The following PEAR1 variants were observed in gnomAD, a reference collection of about 807,000 sequenced individuals.
PEAR1 encodes the protein multiple EGF-like domains protein 12.
A neutral mutation model predicts 131.2 loss-of-function variants in PEAR1; 113 were observed. The ratio of observed to expected loss-of-function variants is 0.86; its 90% CI spans 0.74 to 1.01. The LOEUF is 1.01. Among genes scored for constraint, PEAR1 ranks in the 50% least tolerant of loss-of-function variants. The pLI is 0.00. For missense variants in PEAR1, 1,408 were observed against 1,391.1 expected (o/e 1.01, Z -0.19); for synonymous variants, 565 against 523.3 (o/e 1.08, Z -1.09).
chr1:156,908,652 C>T lies in PEAR1; in HGVS notation c.1116-3C>T, dbSNP rs1255397449. 2 of 1,522,160 alleles carry T rather than the reference C, an allele frequency of 1.3e-6. No individual in the cohort carries two copies. Among genetic ancestry groups the T allele is most frequent in the Admixed American group, 4.0e-5 (2 of 50,166 alleles). The allele number at this position is 1,522,160 out of a possible 1,614,324, so 94.3% of individuals were successfully genotyped here. A position where few individuals can be genotyped will look rare whatever the true frequency, so the allele number is the denominator to read the frequency against. On this transcript the variant is annotated splice_region_variant and splice_polypyrimidine_tract_variant and intron_variant, in intron 9 of 22. Transcript: ENST00000292357. The surrounding 1 kb of genome is among the most constrained non-coding windows in gnomAD (Gnocchi z 4.2). The stretch of plus-strand genomic sequence containing the variant: ...CGCGCCACGCCCCCGCCTCTGCCCC[C>T]AGCTGCCACCCGATGAACGGGGAGT...
rs540828750 is a variant in PEAR1, at chr1:156,910,377, A to G, written c.1822A>G (p.Arg608Gly). 2 of 1,593,248 alleles carry G rather than the reference A, an allele frequency of 1.3e-6. No homozygotes were observed. Among genetic ancestry groups the G allele is most frequent in the African/African-American group, 2.7e-5 (2 of 74,760 alleles). ...APGFRGPSCQRSCQPGRYGKR... is the reference protein window; with the variant it reads ...APGFRGPSCQGSCQPGRYGKR... Reference sequence around the variant, plus strand: ...CGGATTCCGGGGCCCCTCCTGCCAGAGATGTGAGGCTCCCTACTGCCCCTT... The same window carrying G: ...CGGATTCCGGGGCCCCTCCTGCCAGGGATGTGAGGCTCCCTACTGCCCCTT... The change falls in exon 14 of 23, where the codon AGA becomes GGA. Residue 608 changes from arginine (R) to glycine (G), a missense_variant. Arg to Gly is a moderately radical substitution (Grantham distance 125). Coordinates refer to ENST00000292357, the MANE Select transcript of PEAR1 (RefSeq NM_001080471.3).
intron 1 of PEAR1, among the ~76,000 whole-genome samples, chr1:156,896,758 G>A (rs1310879680): frequency 6.6e-6 from 1 of 152,224 alleles, no homozygotes; most frequent in Non-Finnish European, 1.5e-5. Flanking sequence ...GGCTCAGGCG[G>A]TGTGGGCATG....
Position 156,912,766 on chromosome 1 carries a change from A to G in PEAR1, c.2210-4A>G, listed in dbSNP as rs1488396463. 6.2e-6 allele frequency: 10 copies of G among 1,614,026 alleles called. No individual in the cohort carries two copies. The highest frequency in any genetic ancestry group is 8.5e-6 in the Non-Finnish European group (10 of 1,179,934). On this transcript the variant is annotated splice_polypyrimidine_tract_variant and splice_region_variant and intron_variant, in intron 17 of 22. Transcript: ENST00000292357. ...ATTCTGAGTGAGCACCCCATTCCAC[A>G]CAGGAATCCAGGAGCCCTTTACTGT...
In PEAR1 at chr1:156,912,489, C is replaced by T. The variant is rs1352751610; in HGVS notation, c.2081-5C>T. ...GCCGGCCTGCCTCCTTGGCTGTCTC[C>T]CCAGGCTGCCCTCTGGGGACATTTG... On this transcript the variant is annotated splice_polypyrimidine_tract_variant and splice_region_variant and intron_variant, in intron 16 of 22. Transcript: ENST00000292357. 1 of 1,611,622 alleles carries T rather than the reference C, an allele frequency of 6.2e-7. No homozygotes were observed. The highest frequency in any genetic ancestry group is 1.7e-5 in the Admixed American group (1 of 59,570).
At position 156,909,014 on chromosome 1, in the gene PEAR1, C is replaced by T. The variant is rs757050087; in HGVS notation, c.1389C>T (p.Asp463=). The T allele has an allele frequency of 9.9e-6, 16 of 1,613,902 alleles. No individual in the cohort carries two copies. Among genetic ancestry groups the T allele is most frequent in the Non-Finnish European group, 1.4e-5 (16 of 1,180,018 alleles). Residue 463 remains aspartate (D), a synonymous_variant, in exon 11 of 23, where the codon GAC becomes GAT. Transcript: ENST00000292357. The part of the protein sequence containing the change: ...CENAIACSPI[D]GECVCKEGWQ... The stretch of plus-strand genomic sequence containing the variant: ...ATGCCATCGCCTGCTCACCCATCGA[C>T]GGCGAGTGCGTCTGCAAGGAAGGTA...
rs1233120305 is a variant in PEAR1 at position 156,908,250 on chromosome 1, G to A, written c.1025G>A (p.Gly342Glu). 1 of 1,598,334 alleles carries A rather than the reference G, an allele frequency of 6.3e-7. No individual in the cohort carries two copies. The highest frequency in any genetic ancestry group is 1.1e-5 in the South Asian group (1 of 89,206). ...TGTCTGTGCGAACACGGCTTCACTG[G>A]GGACCGCTGCACGGATCGCCTCTGC... ...GACLCEHGFT[G>E]DRCTDRLCPD... is the part of the protein sequence containing the mutation. Residue 342 changes from glycine (G) to glutamate (E), a missense_variant, in exon 9 of 23, where the codon GGG (glycine) becomes GAG (glutamate). By Grantham distance (98) the Gly-to-Glu change is moderately conservative. Transcript: ENST00000292357. The surrounding 1 kb of genome is among the most constrained non-coding windows in gnomAD (Gnocchi z 4.2).
At chr1:156,897,116 C>A (rs577974563) in intron 1 of PEAR1, among the ~76,000 whole-genome samples, 1 of 152,306 alleles carries the variant, frequency 6.6e-6, no homozygotes, top group African/African-American at 2.4e-5. Flanking sequence ...ATCCACTCCA[C>A]ACAAATGTTT....
intron 2 of PEAR1, 117 bp from the exon 3 acceptor site, chr1:156,904,631 G>A (rs1650028497): frequency 5.8e-6 from 6 of 1,038,414 alleles, no homozygotes; most frequent in African/African-American, 1.6e-5. Context: ...TACGAGAGCA[G>A]CCCCAGCGTT....
At chr1:156,904,158 C>G (rs1649973989) in intron 2 of PEAR1, 131 bp downstream of exon 2, 1 of 723,754 alleles carries the variant, frequency 1.4e-6, no homozygotes, top group Non-Finnish European at 2.3e-6. Context: ...CCCCTCCCGC[C>G]TATTTCTCTG....
Position 156,913,257 on chromosome 1 carries a change from C to T in PEAR1, c.2486C>T (p.Ser829Phe). The T allele has an allele frequency of 6.2e-7, 1 of 1,609,954 alleles. No individual in the cohort carries two copies. Among genetic ancestry groups the T allele is most frequent in the East Asian group, 2.2e-5 (1 of 44,814 alleles). ...AGCTACCACACCCTGTCGCAGTGCT[C>T]CCCAAACCCCCCACCCCCTAACAAG... ...NPSYHTLSQC[S>F]PNPPPPNKVP... Residue 829 changes from serine to phenylalanine, a missense_variant, in exon 19 of 23, where the codon TCC becomes TTC. By Grantham distance (155) the Ser-to-Phe change is radical. Transcript: ENST00000292357.
At chr1:156,913,154 C>G in intron 18 of PEAR1, 40 bp from the exon 19 acceptor site, 1 of 1,597,252 alleles carries the variant, frequency 6.3e-7, no homozygotes, top group Non-Finnish European at 8.6e-7. Context: ...GGACTCCTGC[C>G]CATCGCTGAG....
chr1:156,897,975 G>A (rs759564881), intron 1 of PEAR1, among the ~76,000 whole-genome samples: 11 of 152,136 alleles, frequency 7.2e-5, no homozygotes, highest in Non-Finnish European at 1.5e-4. Context: ...AGGTAATCTC[G>A]GGGTGGCGAT....
intron 11 of PEAR1, 24 bp from the exon 12 acceptor site, chr1:156,909,723 ATACC>A (rs758679928): frequency 8.9e-6 from 14 of 1,573,792 alleles, no homozygotes; most frequent in African/African-American, 1.3e-5. Flanking sequence ...ATGGGTCCCC[ATACC>A]TACCTACCAG....
intron 4 of PEAR1, among the ~76,000 whole-genome samples, chr1:156,905,724 G>A (rs1347449068): frequency 6.6e-6 from 1 of 151,990 alleles, no homozygotes; most frequent in Non-Finnish European, 1.5e-5. Context: ...TCTGTCTTTG[G>A]GCTGTCTCTG....
In PEAR1 at chr1:156,908,431, G is replaced by T; in HGVS notation, c.1115+91G>T. The T allele has an allele frequency of 7.2e-7, 1 of 1,387,704 alleles. No individual in the cohort carries two copies. The allele number at this position is 1,387,704 out of a possible 1,614,324, so 86.0% of individuals were successfully genotyped here. On this transcript the variant is annotated intron_variant, in intron 9 of 22. Transcript: ENST00000292357. The surrounding 1 kb of genome is among the most constrained non-coding windows in gnomAD (Gnocchi z 4.2). ...ACCACAGAGCCAGGGCCATATCCAA[G>T]GGGGACAGGTGTCACAGAAGGGGAA...
chr1:156,898,901 A>C (rs1014916026), intron 1 of PEAR1, among the ~76,000 whole-genome samples: 1 of 152,206 alleles, frequency 6.6e-6, no homozygotes, highest in East Asian at 1.9e-4. Flanking sequence ...GAGACCAAGA[A>C]GCTGATGAAG....
chr1:156,907,063 G>A (rs562679024), intron 6 of PEAR1, among the ~76,000 whole-genome samples, 183 bp downstream of exon 6: 6 of 152,338 alleles, frequency 3.9e-5, no homozygotes, highest in Admixed American at 6.5e-5. Context: ...TCATTGACTC[G>A]TTGTGGGCTT....
intron 18 of PEAR1, 30 bp from the exon 19 acceptor site, chr1:156,913,164 G>A: frequency 1.9e-6 from 3 of 1,606,008 alleles, no homozygotes; most frequent in Non-Finnish European, 2.6e-6. Context: ...CCATCGCTGA[G>A]CTCACCCTGT....
intron 2 of PEAR1, 94 bp from the exon 3 acceptor site, chr1:156,904,653 TC>T: frequency 8.0e-7 from 1 of 1,257,706 alleles, no homozygotes; most frequent in South Asian, 1.4e-5. Flanking sequence ...GGCTGTGGAT[TC>T]CCCACTGTGG....
Sources: allele counts gnomAD v4.1 joint callset (sites outside exome capture counted in the v4.1 genomes callset), GRCh38; gene constraint gnomAD v4.1.1; non-coding constraint Gnocchi (gnomAD v3.1); transcripts MANE v1.5; gene names NCBI Gene and HGNC (gene_info 2026-07-23, HGNC 2026-07-21).